The following FSHR variants were observed in gnomAD, a reference collection of about 807,000 sequenced individuals.
FSHR encodes follicle stimulating hormone receptor.
Under a neutral mutation model 52.1 loss-of-function variants are expected in FSHR, and 46 were observed. The ratio of observed to expected loss-of-function variants is 0.88; its 90% CI spans 0.70 to 1.13. The LOEUF is 1.13. Ranked by LOEUF, FSHR falls within the 50% of genes most tolerant of loss-of-function variation. The probability of loss-of-function intolerance (pLI) is 0.00; values close to 1 mark genes in which losing one functional copy is unlikely to be tolerated. For synonymous variants in FSHR, 399 were observed against 309.6 expected (o/e 1.29, Z -3.03); for missense variants, 964 against 834.6 (o/e 1.16, Z -1.91).
chr2:49,136,688 C>T (rs1672500535), intron 1 of FSHR, among the ~76,000 whole-genome samples: 1 of 151,764 alleles, frequency 6.6e-6, no homozygotes, highest in Non-Finnish European at 1.5e-5. Context: ...AGTTTTATTC[C>T]AGGGGTGGCA....
intron 1 of FSHR, among the ~76,000 whole-genome samples, chr2:49,104,148 T>C (rs1469575150): frequency 6.6e-6 from 1 of 152,114 alleles, no homozygotes; most frequent in African/African-American, 2.4e-5. Flanking sequence ...AGATTTAATC[T>C]TTGCGAAATG....
intron 1 of FSHR, among the ~76,000 whole-genome samples, chr2:49,104,949 C>T (rs894616877): frequency 6.6e-6 from 1 of 152,026 alleles, no homozygotes; most frequent in African/African-American, 2.4e-5. Flanking sequence ...ATGAGAAGGG[C>T]TTGGCAATGG....
chr2:49,134,787 C>A (rs1016559090), intron 1 of FSHR, among the ~76,000 whole-genome samples: 1 of 151,950 alleles, frequency 6.6e-6, no homozygotes, highest in Admixed American at 6.6e-5. Flanking sequence ...AAATTGGAAA[C>A]CATCATTCTC....
intron 2 of FSHR, among the ~76,000 whole-genome samples, chr2:49,024,314 C>A (rs1036041626): frequency 6.6e-6 from 1 of 151,966 alleles, no homozygotes; most frequent in African/African-American, 2.4e-5. Context: ...GTGGCTTATG[C>A]CTGTAATCCC....
At chr2:49,094,631 C>T (rs1670753301) in intron 1 of FSHR, among the ~76,000 whole-genome samples, 1 of 151,936 alleles carries the variant, frequency 6.6e-6, no homozygotes, top group South Asian at 2.1e-4. Flanking sequence ...TGAATGGAAA[C>T]AAAAACACAA....
intron 1 of FSHR, among the ~76,000 whole-genome samples, chr2:49,152,491 C>T (rs1673099002): frequency 6.6e-6 from 1 of 151,860 alleles, no homozygotes. Flanking sequence ...CTTTTCTTTC[C>T]TCTTTCTTTT....
chr2:48,992,396 C>G (rs543199907), intron 4 of FSHR, among the ~76,000 whole-genome samples: 1 of 152,236 alleles, frequency 6.6e-6, no homozygotes, highest in Admixed American at 6.5e-5. Context: ...GTAATTTTGC[C>G]TTTTCCAAAA....
intron 1 of FSHR, among the ~76,000 whole-genome samples, chr2:49,070,173 T>A (rs1314827355): frequency 6.6e-6 from 1 of 152,150 alleles, no homozygotes; most frequent in East Asian, 1.9e-4. Flanking sequence ...TAGCAATAAA[T>A]GCTTTACAAG....
intron 1 of FSHR, among the ~76,000 whole-genome samples, chr2:49,148,318 T>G (rs1672941391): frequency 6.6e-6 from 1 of 151,942 alleles, no homozygotes; most frequent in East Asian, 1.9e-4. Flanking sequence ...GGAATTTTCT[T>G]AAAACAAACA....
chr2:49,066,742 A>G (rs1299687958), intron 2 of FSHR, among the ~76,000 whole-genome samples: 1 of 152,078 alleles, frequency 6.6e-6, no homozygotes, highest in Non-Finnish European at 1.5e-5. Context: ...CTGAATACCC[A>G]ATGAGGGGTC....
chr2:49,056,415 A>T (rs1456617915), intron 2 of FSHR, among the ~76,000 whole-genome samples: 1 of 149,896 alleles, frequency 6.7e-6, no homozygotes, highest in African/African-American at 2.5e-5. Context: ...TAATAAAGGG[A>T]TCAATTCAGC....
At chr2:49,077,646 C>T (rs1471321132) in intron 1 of FSHR, among the ~76,000 whole-genome samples, 1 of 152,110 alleles carries the variant, frequency 6.6e-6, no homozygotes, top group Non-Finnish European at 1.5e-5. Context: ...ATTTTCTGAA[C>T]TTTTGGCTCT....
chr2:49,077,817 A>G (rs1670002609), intron 1 of FSHR, among the ~76,000 whole-genome samples: 1 of 152,192 alleles, frequency 6.6e-6, no homozygotes, highest in African/African-American at 2.4e-5. Context: ...TCTTTTTGCT[A>G]AAACATAACA....
At chr2:49,094,097 T>G (rs1483675339) in intron 1 of FSHR, among the ~76,000 whole-genome samples, 1 of 152,188 alleles carries the variant, frequency 6.6e-6, no homozygotes, top group Non-Finnish European at 1.5e-5. Context: ...TCTTTTGGAT[T>G]ATTTAAATAT....
chr2:49,080,077 G>A (rs908213341), intron 1 of FSHR, among the ~76,000 whole-genome samples: 1 of 151,964 alleles, frequency 6.6e-6, no homozygotes, highest in Non-Finnish European at 1.5e-5. Context: ...AAATGCAAAC[G>A]ATCAATAAAC....
chr2:48,985,404 C>T (rs1381189674), intron 6 of FSHR, among the ~76,000 whole-genome samples: 1 of 134,678 alleles, frequency 7.4e-6, no homozygotes, highest in East Asian at 2.2e-4. Flanking sequence ...CCCGAGTGTG[C>T]TGGGCACTGT....
chr2:49,045,622 T>G (rs114209205), intron 2 of FSHR, among the ~76,000 whole-genome samples: 5,157 of 152,244 alleles, frequency 0.034, 135 homozygotes, highest in African/African-American at 0.074. Context: ...TTTAAAAAAA[T>G]GTTTTGCCGG....
At chr2:49,027,179 A>C (rs908268637) in intron 2 of FSHR, among the ~76,000 whole-genome samples, 2 of 151,922 alleles carry the variant, frequency 1.3e-5, no homozygotes, top group African/African-American at 4.8e-5. Flanking sequence ...AATTCTCTCA[A>C]TTACTCTCTT....
chr2:49,020,622 A>C (rs1344371710), intron 2 of FSHR, among the ~76,000 whole-genome samples: 1 of 152,128 alleles, frequency 6.6e-6, no homozygotes, highest in Non-Finnish European at 1.5e-5. Context: ...AACCAAAGGT[A>C]ACACATGAAT....
Sources: allele counts gnomAD v4.1 joint callset (sites outside exome capture counted in the v4.1 genomes callset), GRCh38; gene constraint gnomAD v4.1.1; transcripts MANE v1.5; gene names NCBI Gene and HGNC (gene_info 2026-07-23, HGNC 2026-07-21).